EPHA6: variants seen among roughly 807,000 people sequenced by gnomAD.
The protein encoded by EPHA6 is ephrin type-A receptor 6.
In EPHA6, 50 loss-of-function variants were observed where a neutral mutation model predicts 112.0. The observed-to-expected ratio is 0.45, with a 90% confidence interval of 0.36 to 0.56. The LOEUF is 0.56. EPHA6 is among the 20% of genes least tolerant of loss of function. The pLI is 0.00. For synonymous variants in EPHA6, 529 were observed against 490.7 expected (o/e 1.08, Z -1.03); for missense variants, 1,280 against 1,417.4 (o/e 0.90, Z 1.56).
chr3:96,914,498 C>G (rs1420855537), intron 2 of EPHA6, among the ~76,000 whole-genome samples: 1 of 152,078 alleles, frequency 6.6e-6, no homozygotes, highest in African/African-American at 2.4e-5. Context: ...TTCAAAAAGG[C>G]AAAATTAATT....
chr3:97,055,489 G>A (rs532092861), intron 3 of EPHA6, among the ~76,000 whole-genome samples: 4 of 152,070 alleles, frequency 2.6e-5, no homozygotes, highest in Non-Finnish European at 5.9e-5. Flanking sequence ...TTTTAGGAAG[G>A]CTTATAATCT....
chr3:96,924,763 G>C (rs2039948074), intron 2 of EPHA6, among the ~76,000 whole-genome samples: 2 of 152,086 alleles, frequency 1.3e-5, no homozygotes, highest in South Asian at 4.1e-4. Flanking sequence ...TATGATATTG[G>C]CTGTGGGCTT....
intron 6 of EPHA6, among the ~76,000 whole-genome samples, chr3:97,419,178 C>T (rs1213541728): frequency 6.6e-6 from 1 of 152,124 alleles, no homozygotes. Context: ...TGGCATGTAC[C>T]TGTAATCCCA....
chr3:97,598,734 ATG>A (rs1354171168), intron 12 of EPHA6, among the ~76,000 whole-genome samples: 1 of 151,208 alleles, frequency 6.6e-6, no homozygotes, highest in Non-Finnish European at 1.5e-5. Flanking sequence ...ATACGTGTGC[ATG>A]TGTCTTTATA....
chr3:97,189,329 C>G (rs1451881113), intron 3 of EPHA6, among the ~76,000 whole-genome samples: 1 of 151,962 alleles, frequency 6.6e-6, no homozygotes, highest in Non-Finnish European at 1.5e-5. Context: ...CCCTTGGAAA[C>G]ATGAGCATTC....
At chr3:96,834,268 A>G (rs1056951537) in intron 1 of EPHA6, among the ~76,000 whole-genome samples, 5 of 152,024 alleles carry the variant, frequency 3.3e-5, no homozygotes, top group African/African-American at 1.2e-4. Flanking sequence ...TGTGATTCTC[A>G]ATGCATAGTG....
rs143104563 is a variant in EPHA6, at chr3:97,143,258, G to A, written c.1115-83006G>A. 4.4e-3 allele frequency among the ~76,000 whole-genome samples: 663 copies of A among 151,778 alleles called. 5 individuals are homozygous for A. The highest frequency in any genetic ancestry group is 6.4e-3 in the Non-Finnish European group (432 of 67,704). ...TCACTGTTTGAGTGATGGGCACCTA[G>A]AACCCCAAACTTCACCATTATGGGA... On this transcript the variant is annotated intron_variant, in intron 3 of 17. Coordinates refer to ENST00000389672, the MANE Select transcript of EPHA6 (RefSeq NM_001080448.3).
At chr3:97,133,199 G>C (rs991507180) in intron 3 of EPHA6, among the ~76,000 whole-genome samples, 40 of 152,082 alleles carry the variant, frequency 2.6e-4, no homozygotes, top group African/African-American at 9.6e-4. Context: ...GACTGAAATA[G>C]GCAGACAAAG....
chr3:97,039,286 A>G (rs1446364595), intron 3 of EPHA6, among the ~76,000 whole-genome samples: 1 of 152,074 alleles, frequency 6.6e-6, no homozygotes, highest in Non-Finnish European at 1.5e-5. Context: ...GGAAGTATGA[A>G]GGGAGAAAAA....
At chr3:97,609,183 G>A (rs2093700472) in intron 12 of EPHA6, among the ~76,000 whole-genome samples, 1 of 151,356 alleles carries the variant, frequency 6.6e-6, no homozygotes, top group Non-Finnish European at 1.5e-5. Flanking sequence ...ACATCAGGCA[G>A]TCATTGTAAT....
intron 5 of EPHA6, among the ~76,000 whole-genome samples, chr3:97,392,671 A>T (rs1363115422): frequency 6.6e-6 from 1 of 151,804 alleles, no homozygotes; most frequent in African/African-American, 2.4e-5. Context: ...TTATCTGCTC[A>T]TACTAAAATA....
intron 5 of EPHA6, among the ~76,000 whole-genome samples, chr3:97,284,774 TTTGA>T (rs1484792366): frequency 1.3e-5 from 2 of 152,150 alleles, no homozygotes; most frequent in Admixed American, 1.3e-4. Flanking sequence ...CCCAAGGCCA[TTTGA>T]TTCTCCTCCC....
chr3:96,974,695 C>CT (rs1033303816), intron 2 of EPHA6, among the ~76,000 whole-genome samples: 6 of 151,584 alleles, frequency 4.0e-5, no homozygotes, highest in African/African-American at 1.4e-4. Context: ...TTTATGAATC[C>CT]TTTTTTTTGG....
rs573887293 is a variant in EPHA6, at chr3:97,758,740, G to A, written c.*10039G>A. On this transcript the variant is annotated 3_prime_UTR_variant, in exon 18 of 18. Coordinates refer to ENST00000389672, the MANE Select transcript of EPHA6 (RefSeq NM_001080448.3). ...ATTTAAACTGATATCTGAAAAGCATGAAGGAAGCATCCATGAGAAGATATG... is the reference window on the plus strand; with the variant it reads ...ATTTAAACTGATATCTGAAAAGCATAAAGGAAGCATCCATGAGAAGATATG... 3.4e-4 allele frequency among the ~76,000 whole-genome samples: 51 copies of A among 152,030 alleles called. No homozygotes were observed. In the South Asian group the frequency reaches 9.5e-3, roughly 28 times the overall value.
chr3:97,024,708 T>C (rs2044578359), intron 3 of EPHA6, among the ~76,000 whole-genome samples: 1 of 152,204 alleles, frequency 6.6e-6, no homozygotes, highest in South Asian at 2.1e-4. Flanking sequence ...GATATTTCAT[T>C]GAACATATTG....
At chr3:97,222,981 G>A (rs2078250821) in intron 3 of EPHA6, among the ~76,000 whole-genome samples, 2 of 152,148 alleles carry the variant, frequency 1.3e-5, no homozygotes, top group East Asian at 1.9e-4. Flanking sequence ...GAGTCATCGG[G>A]GTTATAAGGA....
chr3:96,927,645 A>G (rs1202980094), intron 2 of EPHA6, among the ~76,000 whole-genome samples: 1 of 152,132 alleles, frequency 6.6e-6, no homozygotes, highest in African/African-American at 2.4e-5. Flanking sequence ...AGACCACCTC[A>G]GCCTGGACTT....
intron 14 of EPHA6, among the ~76,000 whole-genome samples, chr3:97,688,623 T>C (rs1292679181): frequency 2.0e-5 from 3 of 150,562 alleles, no homozygotes; most frequent in Non-Finnish European, 3.0e-5. Context: ...ATACCTAATG[T>C]AAATGATGAG....
chr3:97,092,453 G>T (rs965946093), intron 3 of EPHA6, among the ~76,000 whole-genome samples: 8 of 151,984 alleles, frequency 5.3e-5, no homozygotes, highest in African/African-American at 1.7e-4. Context: ...CTAGTCTTAG[G>T]CCTGAGCGAA....
Sources: gnomAD v4.1 joint callset for allele counts (sites outside exome capture counted in the v4.1 genomes callset) on GRCh38, gnomAD v4.1.1 for gene constraint, MANE v1.5 for transcripts, NCBI Gene and HGNC (gene_info 2026-07-23, HGNC 2026-07-21) for gene names.